LRP1B: variants seen among roughly 807,000 people sequenced by gnomAD.
The protein encoded by LRP1B is LDL receptor related protein 1B.
LRP1B carries 217 observed loss-of-function variants against 556.6 expected under a neutral mutation model. That is an observed-to-expected ratio of 0.39 (90% confidence interval 0.35 to 0.44). The LOEUF (loss-of-function observed/expected upper bound fraction) is 0.44, where lower values mean the gene tolerates loss of function less well. LRP1B is among the 20% of genes least tolerant of loss of function. The probability of loss-of-function intolerance (pLI) is 1.00; values close to 1 mark genes in which losing one functional copy is unlikely to be tolerated. For synonymous variants in LRP1B, 2,047 were observed against 1,865.8 expected (o/e 1.10, Z -2.50); for missense variants, 5,053 against 5,620.8 (o/e 0.90, Z 3.23).
intron 1 of LRP1B, among the ~76,000 whole-genome samples, chr2:141,883,730 C>A (rs1558938609): frequency 6.6e-6 from 1 of 151,886 alleles, no homozygotes; most frequent in Admixed American, 6.6e-5. Context: ...CTCAAAAAAA[C>A]AAAATGAATT....
At chr2:141,524,148 A>G (rs999241164) in intron 2 of LRP1B, among the ~76,000 whole-genome samples, 2 of 152,066 alleles carry the variant, frequency 1.3e-5, no homozygotes, top group Admixed American at 6.6e-5. Flanking sequence ...ACCTGAATCA[A>G]GTATAATGTC....
intron 2 of LRP1B, among the ~76,000 whole-genome samples, chr2:141,523,638 C>T (rs1684599236): frequency 6.6e-6 from 1 of 152,096 alleles, no homozygotes; most frequent in Non-Finnish European, 1.5e-5. Flanking sequence ...ATTCCCCTTC[C>T]TTTTTCTTTA....
intron 1 of LRP1B, among the ~76,000 whole-genome samples, chr2:141,829,518 A>C (rs993623016): frequency 1.3e-5 from 2 of 152,106 alleles, no homozygotes; most frequent in African/African-American, 4.8e-5. Flanking sequence ...AGAGATATTT[A>C]AAGTTTTTCT....
intron 26 of LRP1B, 40 bp from the exon 27 acceptor site, chr2:140,867,874 A>C: frequency 1.3e-6 from 2 of 1,491,810 alleles, no homozygotes; most frequent in Non-Finnish European, 1.8e-6. Flanking sequence ...GTCAAAACTC[A>C]TTCAACTAGT....
chr2:141,920,041 A>G (rs1700141549), intron 1 of LRP1B, among the ~76,000 whole-genome samples: 1 of 151,966 alleles, frequency 6.6e-6, no homozygotes. Context: ...TCTTTCTGGA[A>G]CATGTAACCT....
At chr2:140,908,685 C>G (rs140665483) in intron 21 of LRP1B, among the ~76,000 whole-genome samples, 1 of 151,720 alleles carries the variant, frequency 6.6e-6, no homozygotes, top group Non-Finnish European at 1.5e-5. Context: ...CATGTATAGA[C>G]GGAATTTATA....
At chr2:140,934,026 G>T (rs1163811332) in intron 20 of LRP1B, among the ~76,000 whole-genome samples, 39 of 151,616 alleles carry the variant, frequency 2.6e-4, no homozygotes, top group Admixed American at 2.6e-3. Flanking sequence ...ATGTCTCAGT[G>T]GTATTATATT....
At chr2:140,960,548 T>G (rs1199438956) in intron 18 of LRP1B, among the ~76,000 whole-genome samples, 2 of 151,322 alleles carry the variant, frequency 1.3e-5, no homozygotes, top group African/African-American at 2.4e-5. Context: ...AATCACTAAA[T>G]AGAAAGAACG....
At chr2:140,856,773 A>G (rs1194909017) in intron 27 of LRP1B, among the ~76,000 whole-genome samples, 3 of 91,618 alleles carry the variant, frequency 3.3e-5, no homozygotes, top group African/African-American at 1.0e-4. Flanking sequence ...ACACACACAC[A>G]CACACACATT....
At chr2:140,662,641 T>G (rs555115456) in intron 41 of LRP1B, among the ~76,000 whole-genome samples, 2 of 152,280 alleles carry the variant, frequency 1.3e-5, no homozygotes, top group East Asian at 3.9e-4. Flanking sequence ...ATGGATATAA[T>G]TCCTTGCACA....
chr2:140,369,675 A>G (rs1230654848), intron 71 of LRP1B, among the ~76,000 whole-genome samples: 1 of 151,868 alleles, frequency 6.6e-6, no homozygotes, highest in Admixed American at 6.6e-5. Flanking sequence ...AAAAAAAAAA[A>G]CTATTTTTTT....
Position 140,601,632 on chromosome 2 carries a change from A to G in LRP1B, c.6807T>C (p.Gly2269=), listed in dbSNP as rs976520303. 14 of 1,579,530 alleles carry G rather than the reference A, an allele frequency of 8.9e-6. No individual in the cohort carries two copies. Among genetic ancestry groups the G allele is most frequent in the Admixed American group, 5.1e-5 (3 of 58,470 alleles). The change falls in exon 42 of 91, where the codon GGT becomes GGC. Residue 2269 remains glycine, a synonymous_variant. Coordinates refer to ENST00000389484, the MANE Select transcript of LRP1B (RefSeq NM_018557.3). ...TGTGATAGGCAAGTCCTTCCACAGAACCCACATCTAGTGGGGGAAGAAAAA... is the reference window on the plus strand; with the variant it reads ...TGTGATAGGCAAGTCCTTCCACAGAGCCCACATCTAGTGGGGGAAGAAAAA... ...EDRQVIVENV[G]SVEGLAYHRA...
At chr2:141,360,336 A>G (rs1688778304) in intron 3 of LRP1B, among the ~76,000 whole-genome samples, 1 of 152,198 alleles carries the variant, frequency 6.6e-6, no homozygotes, top group Admixed American at 6.5e-5. Context: ...GCTAAGTAAG[A>G]CCTTCGTTTA....
chr2:141,145,463 A>G (rs1193109581), intron 7 of LRP1B, among the ~76,000 whole-genome samples: 3 of 152,058 alleles, frequency 2.0e-5, no homozygotes, highest in Non-Finnish European at 4.4e-5. Flanking sequence ...TGTGGAGTAA[A>G]TTTAACAGTG....
intron 7 of LRP1B, among the ~76,000 whole-genome samples, chr2:141,078,402 C>T (rs950627393): frequency 2.8e-4 from 42 of 152,198 alleles, no homozygotes; most frequent in Admixed American, 2.0e-4. Context: ...ACCCCTGCCT[C>T]CTTCTCCTAG....
intron 82 of LRP1B, among the ~76,000 whole-genome samples, chr2:140,316,040 A>AT (rs1332800115): frequency 6.6e-6 from 1 of 152,132 alleles, no homozygotes; most frequent in Non-Finnish European, 1.5e-5. Context: ...TAGCAAAATT[A>AT]TTTTTAACAA....
intron 1 of LRP1B, among the ~76,000 whole-genome samples, chr2:141,868,406 T>C (rs1039388389): frequency 6.6e-6 from 1 of 152,204 alleles, no homozygotes. Context: ...TCATACAGCA[T>C]GTCTCTCCAG....
At chr2:141,261,677 T>G (rs1204713079) in intron 3 of LRP1B, among the ~76,000 whole-genome samples, 1 of 152,162 alleles carries the variant, frequency 6.6e-6, no homozygotes, top group East Asian at 1.9e-4. Context: ...TATATTATTG[T>G]TAGTATTAGG....
intron 4 of LRP1B, among the ~76,000 whole-genome samples, chr2:141,251,813 G>T (rs1170149951): frequency 1.3e-5 from 2 of 152,198 alleles, no homozygotes; most frequent in Non-Finnish European, 2.9e-5. Context: ...CAACAAAAGA[G>T]AATAGATTAA....
Sources: allele counts gnomAD v4.1 joint callset (sites outside exome capture counted in the v4.1 genomes callset), GRCh38; gene constraint gnomAD v4.1.1; transcripts MANE v1.5; gene names NCBI Gene and HGNC (gene_info 2026-07-23, HGNC 2026-07-21).